The following SETD3 variants were observed in gnomAD, a reference collection of about 807,000 sequenced individuals.
SETD3 encodes actin-histidine N-methyltransferase.
A neutral mutation model predicts 63.0 loss-of-function variants in SETD3; 19 were observed. The observed-to-expected ratio is 0.30, with a 90% confidence interval of 0.21 to 0.44. The LOEUF is 0.44. SETD3 is among the 20% of genes least tolerant of loss of function. The pLI is 1.00. For missense variants in SETD3, 587 were observed against 728.5 expected (o/e 0.81, Z 2.24); for synonymous variants, 286 against 264.1 (o/e 1.08, Z -0.80).
Position 99,398,484 on chromosome 14 carries a change from A to G in SETD3, c.*195T>C. ...TGTTAATTGGTTTGTTTTGCCTAAA[A>G]GCAAGATGGCAATCTTAATCAAAAA... is the stretch of plus-strand genomic sequence containing the variant. On this transcript the variant is annotated 3_prime_UTR_variant, in exon 13 of 13. Coordinates refer to ENST00000331768, the MANE Select transcript of SETD3 (RefSeq NM_032233.3). 1.7e-6 allele frequency: 1 copy of G among 596,796 alleles called. No homozygotes were observed. Among genetic ancestry groups the G allele is most frequent in the East Asian group, 2.8e-5 (1 of 35,194 alleles). 37.0% of individuals were successfully genotyped at this position (596,796 alleles called of 1,614,324 possible).
chr14:99,418,978 G>A (rs916417426), intron 6 of SETD3, among the ~76,000 whole-genome samples: 2 of 152,126 alleles, frequency 1.3e-5, no homozygotes, highest in South Asian at 2.1e-4. Context: ...TGATCAACCC[G>A]TCTTCTAAGT....
intron 6 of SETD3, among the ~76,000 whole-genome samples, chr14:99,439,524 C>T (rs1480606136): frequency 6.6e-6 from 1 of 151,326 alleles, no homozygotes; most frequent in Non-Finnish European, 1.5e-5. Context: ...GACCGAACCA[C>T]AGGAGAAGCA....
intron 1 of SETD3, among the ~76,000 whole-genome samples, chr14:99,466,625 G>T (rs965840448): frequency 6.6e-6 from 1 of 151,972 alleles, no homozygotes; most frequent in Non-Finnish European, 1.5e-5. Context: ...TGGCGGGGGG[G>T]GGGGGGGGCA....
intron 6 of SETD3, among the ~76,000 whole-genome samples, chr14:99,437,259 T>C (rs531905863): frequency 6.6e-6 from 1 of 152,294 alleles, no homozygotes; most frequent in African/African-American, 2.4e-5. Context: ...CCAGCATGTC[T>C]ACCTTGCCAC....
intron 6 of SETD3, among the ~76,000 whole-genome samples, chr14:99,442,074 T>G (rs1020550158): frequency 1.3e-5 from 2 of 152,186 alleles, no homozygotes; most frequent in African/African-American, 4.8e-5. Flanking sequence ...ATTCTGACTA[T>G]GAAGCGGCTG....
intron 6 of SETD3, among the ~76,000 whole-genome samples, chr14:99,423,270 T>C (rs1019383004): frequency 6.6e-6 from 1 of 152,090 alleles, no homozygotes; most frequent in African/African-American, 2.4e-5. Context: ...AAGGGAACCC[T>C]CAAACATATT....
chr14:99,421,547 AG>A (rs1892597493), intron 6 of SETD3, among the ~76,000 whole-genome samples: 1 of 152,164 alleles, frequency 6.6e-6, no homozygotes, highest in South Asian at 2.1e-4. Flanking sequence ...CTCCTGTCCT[AG>A]AAAGGTATGA....
intron 6 of SETD3, among the ~76,000 whole-genome samples, chr14:99,440,627 G>A (rs1246478154): frequency 3.9e-5 from 6 of 151,948 alleles, no homozygotes; most frequent in African/African-American, 9.7e-5. Context: ...GAGCTTGTGC[G>A]TTTAAAGCAG....
intron 6 of SETD3, among the ~76,000 whole-genome samples, chr14:99,420,978 G>T (rs1291785446): frequency 3.0e-4 from 10 of 33,322 alleles, no homozygotes; most frequent in Non-Finnish European, 6.6e-4. Context: ...GGGGGGGGGT[G>T]GGAGGTGCAG....
In SETD3 at chr14:99,399,132, A is replaced by T. The variant is rs1891241210; in HGVS notation, c.1339-7T>A. On this transcript the variant is annotated splice_region_variant and splice_polypyrimidine_tract_variant and intron_variant, in intron 12 of 12. Transcript: ENST00000331768. The stretch of plus-strand genomic sequence containing the variant: ...TCAAGACGGATTTATCTTCCTGGAA[A>T]ACAAGAGCAAAATTAATTACAAGAA... 1 of 1,610,930 alleles carries T rather than the reference A, an allele frequency of 6.2e-7. No individual in the cohort carries two copies. Among genetic ancestry groups the T allele is most frequent in the Non-Finnish European group, 8.5e-7 (1 of 1,177,886 alleles).
At chr14:99,410,949 C>A (rs1340690910) in intron 8 of SETD3, among the ~76,000 whole-genome samples, 5 of 152,172 alleles carry the variant, frequency 3.3e-5, no homozygotes, top group South Asian at 2.1e-4. Flanking sequence ...TAGACACACA[C>A]AAAAAAGAAA....
chr14:99,462,636 A>G (rs1289680180), intron 3 of SETD3, among the ~76,000 whole-genome samples: 2 of 152,250 alleles, frequency 1.3e-5, no homozygotes, highest in Non-Finnish European at 2.9e-5. Flanking sequence ...GGATTAGCAC[A>G]GACTCCTATT....
rs1891690500 is a variant in SETD3, at chr14:99,406,499, G to C, written c.924+17C>G. 6.2e-7 allele frequency: 1 copy of C among 1,613,470 alleles called. No individual in the cohort carries two copies. The highest frequency in any genetic ancestry group is 8.5e-7 in the Non-Finnish European group (1 of 1,179,390). ...CCACTGGCTGGCTCACATTTTGTGA[G>C]ATGCCACGAGACCCACCTGCTCTCC... On this transcript the variant is annotated intron_variant, in intron 9 of 12. Transcript: ENST00000331768.
At chr14:99,484,043 T>A (rs1471214699), upstream of SETD3, among the ~76,000 whole-genome samples, 1 of 152,150 alleles carries the variant, frequency 6.6e-6, no homozygotes, top group Non-Finnish European at 1.5e-5. Flanking sequence ...TCAAAAAAAA[T>A]AAAAAATAAA....
At chr14:99,442,989 C>T (rs1360769246) in intron 6 of SETD3, among the ~76,000 whole-genome samples, 1 of 152,172 alleles carries the variant, frequency 6.6e-6, no homozygotes, top group East Asian at 1.9e-4. Flanking sequence ...GATGTTGTGG[C>T]ACAGACCCCA....
At chr14:99,426,188 G>A (rs966231127) in intron 6 of SETD3, among the ~76,000 whole-genome samples, 3 of 152,150 alleles carry the variant, frequency 2.0e-5, no homozygotes, top group African/African-American at 7.2e-5. Context: ...ATCTACATAT[G>A]ACCTCCAGTG....
chr14:99,438,110 T>C (rs750269820), intron 6 of SETD3, among the ~76,000 whole-genome samples: 3 of 152,226 alleles, frequency 2.0e-5, no homozygotes, highest in Admixed American at 6.5e-5. Flanking sequence ...GGAAAAAACA[T>C]GAGACTGACA....
intron 11 of SETD3, among the ~76,000 whole-genome samples, chr14:99,402,996 G>A (rs568608479): frequency 4.3e-4 from 66 of 152,160 alleles, no homozygotes; most frequent in Non-Finnish European, 7.9e-4. Context: ...CTTAACTCGT[G>A]TTCATTACAT....
upstream of SETD3, chr14:99,481,573 G>A (rs1004932764): frequency 2.0e-5 from 8 of 397,712 alleles, no homozygotes; most frequent in Admixed American, 4.4e-5. Flanking sequence ...TCCACTGGCG[G>A]AGTCTCTCTT....
Sources: allele counts gnomAD v4.1 joint callset (sites outside exome capture counted in the v4.1 genomes callset), GRCh38; gene constraint gnomAD v4.1.1; transcripts MANE v1.5; gene names NCBI Gene and HGNC (gene_info 2026-07-23, HGNC 2026-07-21).